Variants in GRM1 observed in about 807,000 individuals in gnomAD.
GRM1 encodes glutamate metabotropic receptor 1, also known as metabotropic glutamate receptor 1.
Under a neutral mutation model 90.9 loss-of-function variants are expected in GRM1, and 33 were observed. The ratio of observed to expected loss-of-function variants is 0.36; its 90% CI spans 0.28 to 0.49. GRM1 has a LOEUF of 0.49. Among genes scored for constraint, GRM1 ranks in the 20% least tolerant of loss-of-function variants. The pLI is 0.99. For synonymous variants in GRM1, 700 were observed against 613.2 expected, an observed-to-expected ratio of 1.14 and a Z score of -2.09; for missense variants, 1,190 against 1,534.3, an observed-to-expected ratio of 0.78 and a Z score of 3.75.
At chr6:146,415,026 T>A (rs146123821) in intron 7 of GRM1, among the ~76,000 whole-genome samples, 1 of 152,326 alleles carries the variant, frequency 6.6e-6, no homozygotes, top group Non-Finnish European at 1.5e-5. Flanking sequence ...TTGTAATACA[T>A]AAGCAACATG....
chr6:146,159,413 G>A lies in GRM1; in HGVS notation c.766G>A (p.Ala256Thr), dbSNP rs1481149264. 1 of 1,614,150 alleles carries A rather than the reference G, an allele frequency of 6.2e-7. No individual in the cohort carries two copies. Among genetic ancestry groups the A allele is most frequent in the Non-Finnish European group, 8.5e-7 (1 of 1,180,002 alleles). ...GGCTGCCCAGGAAGGCCTCTGTATC[G>A]CCCATTCTGACAAAATCTACAGCAA... ...ELAAQEGLCI[A>T]HSDKIYSNAG... Residue 256 changes from alanine to threonine, a missense_variant, in exon 2 of 8, where the codon GCC becomes ACC. Ala to Thr is a moderately conservative substitution (Grantham distance 58). Coordinates refer to ENST00000282753, the MANE Select transcript of GRM1 (RefSeq NM_001278064.2).
intron 1 of GRM1, among the ~76,000 whole-genome samples, chr6:146,122,839 C>CTTTTT (rs57859188): frequency 6.6e-4 from 41 of 62,212 alleles, no homozygotes; most frequent in East Asian, 1.6e-3. Flanking sequence ...TCTTTTCTTT[C>CTTTTT]TTTTTTTTTT....
chr6:146,341,384 C>A lies in GRM1; in HGVS notation c.1187-10866C>A, dbSNP rs144432470. 1.1e-4 allele frequency among the ~76,000 whole-genome samples: 17 copies of A among 152,212 alleles called. No homozygotes were observed. In the East Asian group the frequency reaches 3.3e-3, roughly 29 times the overall value. Reference sequence around the variant, plus strand: ...GGACCACTCCTATTTCATCTAAATTCCAAGCTCTAGTTGAAGATGTTTTTC... The same window carrying A: ...GGACCACTCCTATTTCATCTAAATTACAAGCTCTAGTTGAAGATGTTTTTC... On this transcript the variant is annotated intron_variant, in intron 3 of 7. Transcript: ENST00000282753.
chr6:146,361,739 A>C (rs1449975656), intron 5 of GRM1, among the ~76,000 whole-genome samples: 1 of 152,240 alleles, frequency 6.6e-6, no homozygotes, highest in Admixed American at 6.5e-5. Flanking sequence ...TCTCTCAGCT[A>C]GAAAGTGCCA....
In GRM1 at chr6:146,077,617, C is replaced by T. The variant is rs1359976286; in HGVS notation, c.700+47400C>T. Among the ~76,000 whole-genome samples the T allele has an allele frequency of 2.0e-5, 3 of 152,194 alleles. No individual in the cohort carries two copies. The East Asian group carries it at 5.8e-4, about 29-fold the overall frequency. Reference sequence around the variant, plus strand: ...GAAAAAAATAATAGCCAATTACCGACTGATTACAAATATTGGAAAATTAAT... The same window carrying T: ...GAAAAAAATAATAGCCAATTACCGATTGATTACAAATATTGGAAAATTAAT... On this transcript the variant is annotated intron_variant, in intron 1 of 7. Transcript: ENST00000282753.
At chr6:146,175,743 G>A (rs546453954) in intron 2 of GRM1, among the ~76,000 whole-genome samples, 81 of 151,524 alleles carry the variant, frequency 5.3e-4, no homozygotes, top group African/African-American at 1.9e-3. Context: ...AATTCATATG[G>A]TAAGGAAAAA....
At chr6:146,046,830 G>A (rs1342924386) in intron 1 of GRM1, among the ~76,000 whole-genome samples, 1 of 151,974 alleles carries the variant, frequency 6.6e-6, no homozygotes, top group Non-Finnish European at 1.5e-5. Context: ...TCCAGATGGA[G>A]GGCTAGAGAA....
chr6:146,195,487 C>T (rs1165348496), intron 2 of GRM1, among the ~76,000 whole-genome samples: 2 of 152,156 alleles, frequency 1.3e-5, no homozygotes. Flanking sequence ...TTTGCTCTTT[C>T]TTTTCACCCA....
At position 146,257,516 on chromosome 6, in the gene GRM1, G is replaced by GTA. The variant is rs58614139; in HGVS notation, c.951-47081_951-47080dup. 6.5e-3 allele frequency among the ~76,000 whole-genome samples: 972 copies of GTA among 149,590 alleles called. 7 individuals carry two copies. The highest frequency in any genetic ancestry group is 0.019 in the African/African-American group (759 of 40,972). On this transcript the variant is annotated intron_variant, in intron 2 of 7. Transcript: ENST00000282753. ...GTGTGTCTGTCTGTGTAATATGTGT[G>GTA]TATATATATATATATGTATAATTTA...
chr6:146,085,721 T>C (rs1472543118), intron 1 of GRM1, among the ~76,000 whole-genome samples: 1 of 152,142 alleles, frequency 6.6e-6, no homozygotes, highest in Non-Finnish European at 1.5e-5. Context: ...AAACCACTGT[T>C]CTTTTCGATT....
At chr6:146,089,695 G>A (rs193032158) in intron 1 of GRM1, among the ~76,000 whole-genome samples, 2 of 152,222 alleles carry the variant, frequency 1.3e-5, no homozygotes, top group Admixed American at 6.5e-5. Context: ...GGTGATGCCA[G>A]GTTGCTTTCT....
At chr6:146,311,201 A>T (rs1455040540) in intron 3 of GRM1, among the ~76,000 whole-genome samples, 1 of 152,208 alleles carries the variant, frequency 6.6e-6, no homozygotes, top group Non-Finnish European at 1.5e-5. Context: ...AGCCCCCTTG[A>T]TCCTAGGCAG....
intron 2 of GRM1, among the ~76,000 whole-genome samples, chr6:146,285,680 T>G (rs919820066): frequency 1.3e-5 from 2 of 152,218 alleles, no homozygotes; most frequent in Non-Finnish European, 2.9e-5. Context: ...TATTCTATTT[T>G]CATTCATACT....
At chr6:146,305,274 G>A (rs981500601) in intron 3 of GRM1, among the ~76,000 whole-genome samples, 5 of 151,988 alleles carry the variant, frequency 3.3e-5, no homozygotes, top group African/African-American at 1.2e-4. Context: ...TAAGCCACAC[G>A]ACCAACAAAA....
chr6:146,257,987 T>TTA (rs1554287874), intron 2 of GRM1, among the ~76,000 whole-genome samples: 2 of 147,870 alleles, frequency 1.4e-5, no homozygotes, highest in South Asian at 2.1e-4. Flanking sequence ...TGTTCTTCCG[T>TTA]AAAAAAAAAA....
chr6:146,109,430 A>C (rs1775463442), intron 1 of GRM1, among the ~76,000 whole-genome samples: 1 of 152,144 alleles, frequency 6.6e-6, no homozygotes. Flanking sequence ...TGAGCCTGCG[A>C]GTGCACAGAA....
chr6:146,032,964 G>A (rs1229577325), intron 1 of GRM1, among the ~76,000 whole-genome samples: 2 of 151,564 alleles, frequency 1.3e-5, no homozygotes, highest in African/African-American at 4.9e-5. Context: ...GTTTTGTTTT[G>A]TGTTTTAACC....
chr6:146,260,399 C>G (rs1243837859), intron 2 of GRM1, among the ~76,000 whole-genome samples: 1 of 152,070 alleles, frequency 6.6e-6, no homozygotes, highest in Non-Finnish European at 1.5e-5. Context: ...TCCAGTCTAT[C>G]ATTGATGGGC....
chr6:146,168,613 G>A (rs1037641239), intron 2 of GRM1, among the ~76,000 whole-genome samples: 3 of 151,480 alleles, frequency 2.0e-5, no homozygotes, highest in African/African-American at 7.3e-5. Context: ...AAAGAATTTC[G>A]TTTAACATCA....
Sources: gnomAD v4.1 joint callset for allele counts (sites outside exome capture counted in the v4.1 genomes callset) on GRCh38, gnomAD v4.1.1 for gene constraint, MANE v1.5 for transcripts, NCBI Gene and HGNC (gene_info 2026-07-23, HGNC 2026-07-21) for gene names.